The following CCDC138 variants were observed in gnomAD, a reference collection of about 807,000 sequenced individuals.
CCDC138 encodes the protein coiled-coil domain containing 138.
Under a neutral mutation model 82.3 loss-of-function variants are expected in CCDC138, and 66 were observed. That is an observed-to-expected ratio of 0.80 (90% confidence interval 0.66 to 0.98). The LOEUF (loss-of-function observed/expected upper bound fraction) is 0.98, where lower values mean the gene tolerates loss of function less well. Among genes scored for constraint, CCDC138 ranks in the 50% least tolerant of loss-of-function variants. CCDC138 has a pLI of 0.00. For missense variants in CCDC138, 816 were observed against 758.9 expected, an observed-to-expected ratio of 1.08 and a Z score of -0.88; for synonymous variants, 297 against 265.4, an observed-to-expected ratio of 1.12 and a Z score of -1.16.
chr2:108,856,836 T>C lies in CCDC138; in HGVS notation c.1559T>C (p.Leu520Ser). 6.2e-7 allele frequency: 1 copy of C among 1,613,626 alleles called. No homozygotes were observed. The highest frequency in any genetic ancestry group is 8.5e-7 in the Non-Finnish European group (1 of 1,179,796). The change falls in exon 13 of 15, where the codon TTG (leucine) becomes TCG (serine). Residue 520 changes from leucine (L) to serine (S), a missense_variant. Leu to Ser is a moderately radical substitution (Grantham distance 145). Coordinates refer to ENST00000295124, the MANE Select transcript of CCDC138 (RefSeq NM_144978.3). ...AQAFDSLCLD[L>S]KTEEGKTLFL... ...GCATTTGATTCTCTTTGTTTGGACT[T>C]GAAGACAGAAGAAGGAAAAACCTTG...
chr2:108,846,668 CTG>C (rs1255443030), intron 11 of CCDC138, 68 bp from the exon 12 acceptor site: 10 of 1,368,052 alleles, frequency 7.3e-6, no homozygotes, highest in African/African-American at 5.9e-5. Flanking sequence ...CAGAGCAAGA[CTG>C]TGTCTCAAAA....
intron 2 of CCDC138, chr2:108,882,842 G>C (rs796187344): frequency 4.6e-5 from 7 of 152,342 alleles, no homozygotes; most frequent in African/African-American, 1.7e-4. Context: ...ACTGTGTGCA[G>C]ATCTGGGACT....
At chr2:108,798,719 AC>A (rs1681345125) in intron 6 of CCDC138, 133 bp downstream of exon 6, 2 of 533,868 alleles carry the variant, frequency 3.7e-6, no homozygotes, top group Non-Finnish European at 6.6e-6. Context: ...ACACACACAC[AC>A]ACACACACAC....
intron 7 of CCDC138, among the ~76,000 whole-genome samples, chr2:108,807,245 A>C (rs1250822240): frequency 2.6e-5 from 4 of 152,238 alleles, no homozygotes; most frequent in Non-Finnish European, 4.4e-5. Flanking sequence ...TAGATTGACA[A>C]CTTCATTAGA....
chr2:108,857,506 C>T (rs115194231), intron 13 of CCDC138, among the ~76,000 whole-genome samples: 3,030 of 152,298 alleles, frequency 0.02, 97 homozygotes, highest in African/African-American at 0.069. Flanking sequence ...AGCCACATCT[C>T]TGACTCTAGA....
In CCDC138 at chr2:108,861,472, C is replaced by CTTTTT. The variant is rs201132350; in HGVS notation, c.1693+4524_1693+4528dup. Among the ~76,000 whole-genome samples, 19 of 123,522 alleles carry CTTTTT rather than the reference C, an allele frequency of 1.5e-4. 4 individuals carry two copies. Among genetic ancestry groups the CTTTTT allele is most frequent in the African/African-American group, 6.6e-4 (17 of 25,878 alleles). The allele number at this position is 123,522 out of a possible 152,430, so 81.0% of individuals were successfully genotyped here. A position where few individuals can be genotyped will look rare whatever the true frequency, so the allele number is the denominator to read the frequency against. On this transcript the variant is annotated intron_variant, in intron 13 of 14. Transcript: ENST00000295124. ...ACATTTAGCACTATAAACTTTCTTC[C>CTTTTT]TTTTTTTTTTTTTTTTTTTTTTTTT...
chr2:108,818,992 G>C (rs918479650), intron 10 of CCDC138, among the ~76,000 whole-genome samples: 34 of 152,136 alleles, frequency 2.2e-4, no homozygotes, highest in African/African-American at 8.0e-4. Context: ...CAAAGAAATT[G>C]AGATACAAAA....
chr2:108,800,134 A>G (rs1681651765), intron 6 of CCDC138, among the ~76,000 whole-genome samples: 1 of 151,940 alleles, frequency 6.6e-6, no homozygotes, highest in Admixed American at 6.6e-5. Flanking sequence ...GGTTCTTTGT[A>G]TGTTCAGTGA....
intron 12 of CCDC138, among the ~76,000 whole-genome samples, chr2:108,847,411 A>G (rs773021622): frequency 1.3e-5 from 2 of 152,208 alleles, no homozygotes; most frequent in African/African-American, 2.4e-5. Flanking sequence ...CCCAAAGCCT[A>G]TAATACTGTC....
rs201652985 is a variant in CCDC138, at chr2:108,823,593, G to C, written c.1206+7488G>C. Among the ~76,000 whole-genome samples the C allele has an allele frequency of 4.6e-5, 7 of 152,230 alleles. No individual in the cohort carries two copies. In the East Asian group the frequency reaches 1.3e-3, roughly 29 times the overall value. On this transcript the variant is annotated intron_variant, in intron 10 of 14. Coordinates refer to ENST00000295124, the MANE Select transcript of CCDC138 (RefSeq NM_144978.3). ...TGTGATCCTGTACAGCATTTGCTAT[G>C]CAGAATATCTTAGGCAGTTGTAACA...
intron 14 of CCDC138, among the ~76,000 whole-genome samples, chr2:108,874,759 G>A (rs1219289804): frequency 2.0e-5 from 3 of 152,010 alleles, no homozygotes; most frequent in Admixed American, 6.6e-5. Context: ...AGTTACTAGC[G>A]CTGAATTTAT....
At chr2:108,792,301 T>G (rs1350024399) in intron 4 of CCDC138, among the ~76,000 whole-genome samples, 1 of 152,240 alleles carries the variant, frequency 6.6e-6, no homozygotes, top group Non-Finnish European at 1.5e-5. Flanking sequence ...ACATTCATTT[T>G]CCTCTTTTCC....
intron 13 of CCDC138, among the ~76,000 whole-genome samples, chr2:108,860,011 A>G (rs77500844): frequency 0.021 from 3,187 of 151,844 alleles, 114 homozygotes; most frequent in South Asian, 0.083. Flanking sequence ...TTGTAGAGAT[A>G]TTTCACCTTC....
chr2:108,787,066 A>G, intron 1 of CCDC138, 151 bp downstream of exon 1: 2 of 418,122 alleles, frequency 4.8e-6, no homozygotes, highest in Non-Finnish European at 8.2e-6. Context: ...TCGTGGAAGC[A>G]GGCGGGAGGG....
chr2:108,806,682 G>T (rs1682929843), intron 7 of CCDC138, among the ~76,000 whole-genome samples: 1 of 152,120 alleles, frequency 6.6e-6, no homozygotes, highest in Admixed American at 6.5e-5. Context: ...CAAGCAATGG[G>T]CATATTTAGC....
intron 14 of CCDC138, 59 bp downstream of exon 14, chr2:108,873,648 A>T (rs6737810): frequency 7.8e-7 from 1 of 1,286,842 alleles, no homozygotes; most frequent in South Asian, 1.4e-5. Context: ...TGATCATTTA[A>T]ACCAGGGGTT....
intron 7 of CCDC138, among the ~76,000 whole-genome samples, chr2:108,811,378 G>A (rs1683849098): frequency 6.6e-6 from 1 of 150,890 alleles, no homozygotes. Context: ...CTTAGTAGCT[G>A]GGACTGCAGG....
rs1319359380 is a variant in CCDC138 at position 108,876,069 on chromosome 2, G to A, written c.1833-19G>A. The stretch of plus-strand genomic sequence containing the variant: ...CTCTAAGTATGTGTAATTAAATAAT[G>A]TATTCATTTTTTTTACAGGAGTAAT... On this transcript the variant is annotated intron_variant, in intron 14 of 14. Coordinates refer to ENST00000295124, the MANE Select transcript of CCDC138 (RefSeq NM_144978.3). 4.0e-6 allele frequency: 6 copies of A among 1,485,590 alleles called. No homozygotes were observed. Among genetic ancestry groups the A allele is most frequent in the African/African-American group, 1.4e-5 (1 of 72,024 alleles). The allele number at this position is 1,485,590 out of a possible 1,614,324, so 92.0% of individuals were successfully genotyped here. A position where few individuals can be genotyped will look rare whatever the true frequency, so the allele number is the denominator to read the frequency against.
Position 108,804,901 on chromosome 2 carries a change from G to A in CCDC138, c.748G>A (p.Glu250Lys). The change falls in exon 7 of 15, where the codon GAA becomes AAA. Residue 250 changes from glutamate to lysine, a missense_variant. By Grantham distance (56) the Glu-to-Lys change is moderately conservative. Transcript: ENST00000295124. ...TTTCTCCTCCTAGCAGCATGATGCA[G>A]AAGTTGAACACTTAACCGAAGTTCT... Reference protein sequence around the residue: ...FQIIKEQHDAEVEHLTEVLKE... With the variant: ...FQIIKEQHDAKVEHLTEVLKE... 1 of 1,556,034 alleles carries A rather than the reference G, an allele frequency of 6.4e-7. No individual in the cohort carries two copies. Among genetic ancestry groups the A allele is most frequent in the Non-Finnish European group, 8.6e-7 (1 of 1,158,730 alleles).
Sources: gnomAD v4.1 joint callset for allele counts (sites outside exome capture counted in the v4.1 genomes callset) on GRCh38, gnomAD v4.1.1 for gene constraint, MANE v1.5 for transcripts, NCBI Gene and HGNC (gene_info 2026-07-23, HGNC 2026-07-21) for gene names.